USP43: variants seen among roughly 807,000 people sequenced by gnomAD.
USP43 encodes the protein ubiquitin carboxyl-terminal hydrolase 43.
Under a neutral mutation model 90.7 loss-of-function variants are expected in USP43, and 33 were observed. That is an observed-to-expected ratio of 0.36 (90% CI 0.28 to 0.49). The LOEUF (loss-of-function observed/expected upper bound fraction) is 0.49, where lower values mean the gene tolerates loss of function less well. USP43 is among the 20% of genes least tolerant of loss of function. The pLI is 0.98. For synonymous variants in USP43, 598 were observed against 615.8 expected, an observed-to-expected ratio of 0.97 and a Z score of 0.43; for missense variants, 1,274 against 1,476.4, an observed-to-expected ratio of 0.86 and a Z score of 2.25.
chr17:9,672,542 G>A (rs1442061330), intron 3 of USP43, among the ~76,000 whole-genome samples: 1 of 152,172 alleles, frequency 6.6e-6, no homozygotes, highest in East Asian at 1.9e-4. Flanking sequence ...GGGAATTTGG[G>A]AATTTCCCAA....
At position 9,645,882 on chromosome 17, in the gene USP43, C is replaced by T; in HGVS notation, c.250C>T (p.Gln84Ter). ...SPGEERPPGPQPQLQLPAGDG... is the reference protein window; with the variant it reads ...SPGEERPPGP The stretch of plus-strand genomic sequence containing the variant: ...CGGGGAGGAACGCCCGCCCGGACCC[C>T]AGCCCCAGCTCCAGCTCCCCGCCGG... Residue 84 changes from glutamine to a stop codon, truncating the protein, a stop_gained, in exon 1 of 15, where the codon CAG (glutamine) becomes TAG (stop). Transcript: ENST00000285199. LOFTEE classifies it high-confidence loss of function. The surrounding 1 kb of genome is among the most constrained non-coding windows in gnomAD (Gnocchi z 6.8). 2 of 1,448,532 alleles carry T rather than the reference C, an allele frequency of 1.4e-6. No individual in the cohort carries two copies. Among genetic ancestry groups the T allele is most frequent in the Non-Finnish European group, 1.8e-6 (2 of 1,105,858 alleles). 89.7% of individuals were successfully genotyped at this position (1,448,532 alleles called of 1,614,324 possible). A position where few individuals can be genotyped will look rare whatever the true frequency, so the allele number is the denominator to read the frequency against.
intron 3 of USP43, among the ~76,000 whole-genome samples, chr17:9,673,233 G>T (rs185575674): frequency 1.1e-4 from 16 of 152,294 alleles, no homozygotes; most frequent in African/African-American, 3.8e-4. Context: ...TCAGCCGGGG[G>T]CAGTGGCTCA....
intron 9 of USP43, among the ~76,000 whole-genome samples, chr17:9,698,265 C>T (rs1248490578): frequency 2.6e-5 from 4 of 152,192 alleles, no homozygotes; most frequent in African/African-American, 9.7e-5. Flanking sequence ...AATTTTCTCC[C>T]ATCCTGTAGG....
At position 9,728,529 on chromosome 17, in the gene USP43, T is replaced by A. The variant is rs1340477346; in HGVS notation, c.2911T>A (p.Tyr971Asn). 1.2e-6 allele frequency: 2 copies of A among 1,613,816 alleles called. No homozygotes were observed. Among genetic ancestry groups the A allele is most frequent in the Non-Finnish European group, 1.7e-6 (2 of 1,179,876 alleles). ...MGSKSSPPSP[Y>N]MGFSGNSKDS... is the part of the protein sequence containing the mutation. Reference sequence around the variant, plus strand: ...AAGCAAAAGCAGCCCACCCTCCCCCTATATGGGATTCTCTGGAAACAGCAA... The same window carrying A: ...AAGCAAAAGCAGCCCACCCTCCCCCAATATGGGATTCTCTGGAAACAGCAA... Residue 971 changes from tyrosine (Y) to asparagine (N), a missense_variant, in exon 15 of 15, where the codon TAT (tyrosine) becomes AAT (asparagine). This residue lies in a region of USP43 where 353 missense variants were observed against 329.7 expected (regional missense o/e 1.07). Coordinates refer to ENST00000285199, the MANE Select transcript of USP43 (RefSeq NM_153210.5). This position sits in a 1 kb window ranked among gnomAD's most constrained non-coding sequence, Gnocchi z 6.2.
At chr17:9,656,306 T>A in intron 1 of USP43, 97 bp from the exon 2 acceptor site, 5 of 1,468,784 alleles carry the variant, frequency 3.4e-6, no homozygotes, top group Non-Finnish European at 4.6e-6. Context: ...AGGTCAGGGC[T>A]GAATAATGAC....
rs372116868 is a variant in USP43, at chr17:9,728,723, C to A, written c.3105C>A (p.Asp1035Glu). 8.1e-6 allele frequency: 13 copies of A among 1,600,762 alleles called. No individual in the cohort carries two copies. Among genetic ancestry groups the A allele is most frequent in the Non-Finnish European group, 9.4e-6 (11 of 1,174,198 alleles). Residue 1035 changes from aspartate (D) to glutamate (E), a missense_variant, in exon 15 of 15, where the codon GAC becomes GAA. Asp to Glu is a conservative substitution (Grantham distance 45). This residue lies in a region of USP43 where 353 missense variants were observed against 329.7 expected (regional missense o/e 1.07). Coordinates refer to ENST00000285199, the MANE Select transcript of USP43 (RefSeq NM_153210.5). The surrounding 1 kb of genome is among the most constrained non-coding windows in gnomAD (Gnocchi z 6.2). ...LVSGGLSPAM[D>E]GQAPGSPPAL... is the part of the protein sequence containing the mutation. ...GTGGCGGGCTGAGCCCTGCCATGGACGGGCAGGCTCCAGGCTCACCTCCTG... is the reference window on the plus strand; with the variant it reads ...GTGGCGGGCTGAGCCCTGCCATGGAAGGGCAGGCTCCAGGCTCACCTCCTG...
chr17:9,645,370 G>T (rs1041497924), upstream of USP43: 49 of 254,666 alleles, frequency 1.9e-4, no homozygotes, highest in African/African-American at 1.0e-3. This position sits in a 1 kb window ranked among gnomAD's most constrained non-coding sequence, Gnocchi z 6.8. Context: ...ATCCGACCAC[G>T]AAGACTCCCA....
chr17:9,688,410 G>T (rs2151980264), intron 8 of USP43, among the ~76,000 whole-genome samples: 1 of 150,776 alleles, frequency 6.6e-6, no homozygotes, highest in Non-Finnish European at 1.5e-5. Context: ...GAGTGCAGTG[G>T]CGTGATCTCG....
intron 2 of USP43, among the ~76,000 whole-genome samples, chr17:9,657,269 G>A (rs1227226988): frequency 1.3e-5 from 2 of 152,160 alleles, no homozygotes; most frequent in African/African-American, 4.8e-5. Context: ...CACTTTGGAA[G>A]GCTGAGGCAG....
intron 6 of USP43, among the ~76,000 whole-genome samples, chr17:9,681,722 A>G (rs1914303525): frequency 6.6e-6 from 1 of 151,144 alleles, no homozygotes; most frequent in Admixed American, 6.6e-5. Context: ...TCGAACTCCT[A>G]ACCTCAGGTG....
intron 1 of USP43, among the ~76,000 whole-genome samples, chr17:9,648,007 C>A (rs778720767): frequency 6.6e-6 from 1 of 152,252 alleles, no homozygotes; most frequent in East Asian, 1.9e-4. Context: ...GGCAACAGAG[C>A]GAGACTCCGT....
At chr17:9,685,970 G>A (rs977781750) in intron 7 of USP43, among the ~76,000 whole-genome samples, 11 of 151,954 alleles carry the variant, frequency 7.2e-5, no homozygotes, top group East Asian at 3.9e-4. Context: ...CCCCACTGGC[G>A]CCTCCCAGCC....
intron 12 of USP43, among the ~76,000 whole-genome samples, chr17:9,704,247 A>G (rs533455083): frequency 2.7e-5 from 4 of 146,702 alleles, no homozygotes; most frequent in African/African-American, 8.1e-5. Context: ...ACCTGCATTT[A>G]GGGGACCTGT....
At chr17:9,696,268 G>A (rs1240578833) in intron 9 of USP43, among the ~76,000 whole-genome samples, 1 of 152,032 alleles carries the variant, frequency 6.6e-6, no homozygotes, top group Non-Finnish European at 1.5e-5. Context: ...CGAGCAGCTG[G>A]GACTACAGGT....
intron 3 of USP43, among the ~76,000 whole-genome samples, chr17:9,669,123 C>G (rs186875541): frequency 1.3e-5 from 2 of 152,206 alleles, no homozygotes; most frequent in East Asian, 3.9e-4. Context: ...GGATTACAGA[C>G]CTGAGCCACC....
At chr17:9,689,482 G>A (rs1336298498) in intron 8 of USP43, among the ~76,000 whole-genome samples, 1 of 151,778 alleles carries the variant, frequency 6.6e-6, no homozygotes, top group African/African-American at 2.4e-5. Flanking sequence ...TGTGATCATA[G>A]CTCACTGCAG....
Position 9,693,337 on chromosome 17 carries a change from T to C in USP43, c.1457+107T>C. 3.2e-6 allele frequency: 3 copies of C among 951,398 alleles called. No homozygotes were observed. In the South Asian group the frequency reaches 4.5e-5, roughly 14 times the overall value. The allele number at this position is 951,398 out of a possible 1,614,324, so 58.9% of individuals were successfully genotyped here. ...GATTGCTCATAGTATTTGTTATTCT[T>C]GATCACTTACCTCTCCAGTACCAGC... On this transcript the variant is annotated intron_variant, in intron 9 of 14. Transcript: ENST00000285199.
chr17:9,710,456 G>T (rs966927435), intron 13 of USP43, among the ~76,000 whole-genome samples: 1 of 151,474 alleles, frequency 6.6e-6, no homozygotes, highest in African/African-American at 2.4e-5. Context: ...TGTTGGAAAG[G>T]CAGGGCAGTT....
intron 9 of USP43, among the ~76,000 whole-genome samples, chr17:9,695,229 A>G (rs1444259904): frequency 1.3e-5 from 2 of 151,670 alleles, no homozygotes; most frequent in Non-Finnish European, 2.9e-5. Flanking sequence ...CCTCTTTCAC[A>G]GGGCTCTCTA....
Sources: gnomAD v4.1 joint callset for allele counts (sites outside exome capture counted in the v4.1 genomes callset) on GRCh38, gnomAD v4.1.1 for gene constraint, gnomAD v4.1.1 regional missense constraint, Gnocchi (gnomAD v3.1) non-coding constraint, MANE v1.5 for transcripts, NCBI Gene and HGNC (gene_info 2026-07-23, HGNC 2026-07-21) for gene names.